The following CRISPLD2 variants were observed in gnomAD, a reference collection of about 807,000 sequenced individuals.
CRISPLD2 encodes the protein cysteine rich secretory protein LCCL domain containing 2.
CRISPLD2 carries 47 observed loss-of-function variants against 71.1 expected under a neutral mutation model. The ratio of observed to expected loss-of-function variants is 0.66; its 90% CI spans 0.52 to 0.84. CRISPLD2 has a LOEUF of 0.84. Ranked by LOEUF, CRISPLD2 falls within the 40% of genes least tolerant of loss-of-function variation. CRISPLD2 has a pLI of 0.00. For synonymous variants in CRISPLD2, 317 were observed against 250.1 expected (o/e 1.27, Z -2.52); for missense variants, 830 against 651.1 (o/e 1.27, Z -2.99).
chr16:84,849,144 T>G, intron 3 of CRISPLD2: 1 of 507,530 alleles, frequency 2.0e-6, no homozygotes, highest in Non-Finnish European at 3.6e-6. Context: ...GCTGCTGGAA[T>G]TGAGGGTTAT....
Position 84,909,345 on chromosome 16 carries a change from C to T in CRISPLD2, c.*2703C>T, listed in dbSNP as rs1398721459. ...TGAAAAATGATGTATTTTGCTACTT[C>T]CTGTGTACAAAGTTTTATTGTAAAT... On this transcript the variant is annotated 3_prime_UTR_variant, in exon 15 of 15. Transcript: ENST00000262424. The T allele has an allele frequency of 3.3e-5, 5 of 152,656 alleles. No homozygotes were observed. The highest frequency in any genetic ancestry group is 9.7e-5 in the African/African-American group (4 of 41,446). 9.5% of individuals were successfully genotyped at this position (152,656 alleles called of 1,614,324 possible).
At chr16:84,835,911 C>G (rs1916606901) in intron 1 of CRISPLD2, among the ~76,000 whole-genome samples, 1 of 152,134 alleles carries the variant, frequency 6.6e-6, no homozygotes, top group African/African-American at 2.4e-5. Context: ...CTCACTTTGG[C>G]ATTTTGTTTT....
At chr16:84,875,449 G>C (rs900058390) in intron 11 of CRISPLD2, among the ~76,000 whole-genome samples, 1 of 126,842 alleles carries the variant, frequency 7.9e-6, no homozygotes, top group East Asian at 2.3e-4. Context: ...TAGCTCATCA[G>C]CTATCATTAG....
intron 1 of CRISPLD2, among the ~76,000 whole-genome samples, chr16:84,834,311 T>C (rs927434223): frequency 6.6e-6 from 1 of 152,246 alleles, no homozygotes; most frequent in Non-Finnish European, 1.5e-5. Flanking sequence ...CCGGGACCAC[T>C]TGGAGGTCCA....
intron 1 of CRISPLD2, among the ~76,000 whole-genome samples, chr16:84,820,503 C>G (rs1293106411): frequency 1.3e-5 from 2 of 152,170 alleles, no homozygotes; most frequent in African/African-American, 2.4e-5. Context: ...AAGCTGATGG[C>G]ATGGATATGG....
chr16:84,826,605 G>C (rs1916358602), intron 1 of CRISPLD2, among the ~76,000 whole-genome samples: 1 of 152,036 alleles, frequency 6.6e-6, no homozygotes, highest in Admixed American at 6.5e-5. Context: ...TTCGCCCCGG[G>C]AGGGAAGACA....
intron 13 of CRISPLD2, among the ~76,000 whole-genome samples, chr16:84,882,711 C>G (rs746538186): frequency 6.6e-6 from 1 of 152,224 alleles, no homozygotes; most frequent in Non-Finnish European, 1.5e-5. Flanking sequence ...AGCCAGAAGG[C>G]TACCTTTTAT....
chr16:84,869,045 A>C (rs967575424), intron 8 of CRISPLD2, 134 bp downstream of exon 8: 80 of 754,092 alleles, frequency 1.1e-4, no homozygotes, highest in Non-Finnish European at 1.7e-4. Context: ...AGCAGGCAGA[A>C]CAGGGGTTAG....
At chr16:84,823,562 C>A (rs1285934461) in intron 1 of CRISPLD2, among the ~76,000 whole-genome samples, 1 of 152,176 alleles carries the variant, frequency 6.6e-6, no homozygotes, top group Non-Finnish European at 1.5e-5. Context: ...TGGCGTGCCA[C>A]CTGGGTCACA....
At chr16:84,840,372 G>C (rs1433321261) in intron 2 of CRISPLD2, among the ~76,000 whole-genome samples, 1 of 152,224 alleles carries the variant, frequency 6.6e-6, no homozygotes, top group Admixed American at 6.5e-5. Flanking sequence ...CTGAGGCTCA[G>C]AGAGGTTCAT....
chr16:84,879,162 T>TC (rs2071546447), intron 12 of CRISPLD2, among the ~76,000 whole-genome samples: 1 of 152,180 alleles, frequency 6.6e-6, no homozygotes, highest in South Asian at 2.1e-4. Context: ...ACCGTCTTGA[T>TC]CCCCCTTGAA....
In CRISPLD2 at chr16:84,873,933, T is replaced by C; in HGVS notation, c.1126T>C (p.Ser376Pro). The C allele has an allele frequency of 6.3e-7, 1 of 1,589,576 alleles. No homozygotes were observed. The change falls in exon 11 of 15, where the codon TCC (serine) becomes CCC (proline). Residue 376 changes from serine (S) to proline (P), a missense_variant. By Grantham distance (74) the Ser-to-Pro change is moderately conservative. Coordinates refer to ENST00000262424, the MANE Select transcript of CRISPLD2 (RefSeq NM_031476.4). ...TTTTTTAAACAGCAAATACAAACCT[T>C]CCAGCTCATTCATGGTGTCAAAAGT... The part of the protein sequence containing the change: ...GVQSLSKYKP[S>P]SSFMVSKVKV...
intron 14 of CRISPLD2, among the ~76,000 whole-genome samples, chr16:84,899,573 C>A (rs2071735516): frequency 6.6e-6 from 1 of 152,304 alleles, no homozygotes; most frequent in African/African-American, 2.4e-5. Flanking sequence ...CGGTGGATGG[C>A]ACCAACAGTT....
At chr16:84,859,777 G>C (rs1203163860) in intron 6 of CRISPLD2, among the ~76,000 whole-genome samples, 4 of 152,178 alleles carry the variant, frequency 2.6e-5, no homozygotes, top group African/African-American at 9.7e-5. Flanking sequence ...TCTGATTGCT[G>C]CTTTGCCTCT....
chr16:84,838,350 C>T (rs538797908), intron 1 of CRISPLD2, 72 bp from the exon 2 acceptor site: 32 of 941,236 alleles, frequency 3.4e-5, no homozygotes, highest in Non-Finnish European at 4.5e-5. Context: ...GTGCTGCGTT[C>T]GCTGCTCCAG....
intron 3 of CRISPLD2, among the ~76,000 whole-genome samples, chr16:84,848,287 G>A (rs532758072): frequency 1.2e-4 from 19 of 152,288 alleles, no homozygotes; most frequent in Non-Finnish European, 2.4e-4. Flanking sequence ...CGTGCGCTCC[G>A]CTTCCAGACA....
At chr16:84,872,558 A>C in intron 9 of CRISPLD2, 50 bp downstream of exon 9, 1 of 1,488,866 alleles carries the variant, frequency 6.7e-7, no homozygotes, top group African/African-American at 1.4e-5. Context: ...ATCCTGTTGC[A>C]TATGTTTAAA....
chr16:84,845,727 G>T lies in CRISPLD2; in HGVS notation c.241-59G>T, dbSNP rs529477788. 157 of 1,155,494 alleles carry T rather than the reference G, an allele frequency of 1.4e-4. 2 individuals are homozygous for T. The South Asian group carries it at 1.9e-3, about 14-fold the overall frequency. 71.6% of individuals were successfully genotyped at this position (1,155,494 alleles called of 1,614,324 possible). Reference sequence around the variant, plus strand: ...CAGGCTGGGGCGTTGCTGTATTTATGGTTCTTATGCCCCTCCCTCACCCTC... The same window carrying T: ...CAGGCTGGGGCGTTGCTGTATTTATTGTTCTTATGCCCCTCCCTCACCCTC... On this transcript the variant is annotated intron_variant, in intron 2 of 14. Coordinates refer to ENST00000262424, the MANE Select transcript of CRISPLD2 (RefSeq NM_031476.4).
At chr16:84,834,246 G>A (rs1916560866) in intron 1 of CRISPLD2, among the ~76,000 whole-genome samples, 1 of 152,218 alleles carries the variant, frequency 6.6e-6, no homozygotes, top group South Asian at 2.1e-4. Context: ...CTTCCCCGGC[G>A]GCCCCCTTCG....
Sources: allele counts gnomAD v4.1 joint callset (sites outside exome capture counted in the v4.1 genomes callset), GRCh38; gene constraint gnomAD v4.1.1; transcripts MANE v1.5; gene names NCBI Gene and HGNC (gene_info 2026-07-23, HGNC 2026-07-21).